The following UGT1A5 variants were observed in gnomAD, a reference collection of about 807,000 sequenced individuals.
UGT1A5 encodes the protein UDP-glucuronosyltransferase 1A5.
In UGT1A5, 29 loss-of-function variants were observed where a neutral mutation model predicts 40.3. The ratio of observed to expected loss-of-function variants is 0.72; its 90% CI spans 0.54 to 0.98. The LOEUF is 0.98. UGT1A5 is among the 50% of genes least tolerant of loss of function. The pLI is 0.00. For missense variants in UGT1A5, 678 were observed against 677.9 expected (o/e 1.00, Z 0.00); for synonymous variants, 257 against 262.5 (o/e 0.98, Z 0.20).
At chr2:233,749,234 A>T (rs1694147769) in intron 1 of UGT1A5, among the ~76,000 whole-genome samples, 1 of 151,936 alleles carries the variant, frequency 6.6e-6, no homozygotes, top group Admixed American at 6.5e-5. Flanking sequence ...CATTTTTTAA[A>T]ATCAAACCAC....
intron 1 of UGT1A5, among the ~76,000 whole-genome samples, chr2:233,745,707 T>C (rs1693180198): frequency 6.9e-6 from 1 of 145,768 alleles, no homozygotes; most frequent in African/African-American, 2.6e-5. Flanking sequence ...CAACAAGTGA[T>C]CCAGAATGGC....
At chr2:233,754,933 C>CAAAGG (rs1267849400) in intron 1 of UGT1A5, 2 of 1,344,048 alleles carry the variant, frequency 1.5e-6, no homozygotes, top group African/African-American at 3.0e-5. Flanking sequence ...CCCAAGAGGT[C>CAAAGG]AAAGGAGAAT....
intron 1 of UGT1A5, among the ~76,000 whole-genome samples, chr2:233,766,238 C>T (rs1302165333): frequency 6.6e-6 from 1 of 151,910 alleles, no homozygotes; most frequent in Non-Finnish European, 1.5e-5. Flanking sequence ...GAAGGGTTTC[C>T]CCTGGAGTCA....
chr2:233,718,916 G>C, intron 1 of UGT1A5: 1 of 1,614,098 alleles, frequency 6.2e-7, no homozygotes. Context: ...GAAAGGTGTT[G>C]GTGGTGCCCA....
chr2:233,772,619 A>G lies in UGT1A5; in HGVS notation c.*60A>G. ...ATTCCCTAGTCATTTCCAAACTTGAAAACAGAATCAGTGTTAAATTCATTT... is the reference window on the plus strand; with the variant it reads ...ATTCCCTAGTCATTTCCAAACTTGAGAACAGAATCAGTGTTAAATTCATTT... On this transcript the variant is annotated 3_prime_UTR_variant, in exon 5 of 5. Coordinates refer to ENST00000373414, the MANE Select transcript of UGT1A5 (RefSeq NM_019078.2). The G allele has an allele frequency of 1.3e-6, 2 of 1,569,672 alleles. No homozygotes were observed. The highest frequency in any genetic ancestry group is 1.7e-6 in the Non-Finnish European group (2 of 1,156,572).
At chr2:233,755,082 T>C (rs971081603) in intron 1 of UGT1A5, 16 of 1,336,710 alleles carry the variant, frequency 1.2e-5, no homozygotes, top group Middle Eastern at 2.1e-4. Context: ...GTCATAGATA[T>C]CGCGTTTCTA....
chr2:233,747,281 A>G, intron 1 of UGT1A5: 1 of 1,599,850 alleles, frequency 6.3e-7, no homozygotes, highest in Non-Finnish European at 8.5e-7. Context: ...CTCAGTGCCC[A>G]GCCCTGGGCT....
In UGT1A5 at chr2:233,772,415, C is replaced by T. The variant is rs142077822; in HGVS notation, c.1461C>T (p.Tyr487=). The T allele has an allele frequency of 1.4e-5, 22 of 1,614,112 alleles. No homozygotes were observed. The highest frequency in any genetic ancestry group is 1.9e-5 in the Non-Finnish European group (22 of 1,180,056). Residue 487 remains tyrosine (Y), a synonymous_variant, in exon 5 of 5, where the codon TAC becomes TAT. Transcript: ENST00000373414. ...PAAHDLTWYQ[Y]HSLDVIGFLL... ...CCCACGACCTCACCTGGTACCAGTA[C>T]CATTCCTTGGACGTGATTGGTTTCC...
At chr2:233,751,247 A>G (rs1694675595) in intron 1 of UGT1A5, among the ~76,000 whole-genome samples, 1 of 151,954 alleles carries the variant, frequency 6.6e-6, no homozygotes, top group South Asian at 2.1e-4. Flanking sequence ...TTGGACTTGC[A>G]TGGGGCCTGT....
chr2:233,757,047 T>C (rs1479467900), intron 1 of UGT1A5, among the ~76,000 whole-genome samples: 1 of 151,210 alleles, frequency 6.6e-6, no homozygotes, highest in Non-Finnish European at 1.5e-5. Context: ...CAAAGGAAGT[T>C]TGGGGAACAG....
chr2:233,761,889 C>G (rs2125994271), intron 1 of UGT1A5, among the ~76,000 whole-genome samples: 1 of 152,322 alleles, frequency 6.6e-6, no homozygotes, highest in Middle Eastern at 3.4e-3. Context: ...TTCACTTATC[C>G]TGCAAAGATT....
intron 1 of UGT1A5, chr2:233,760,312 C>A (rs370790922): frequency 6.2e-7 from 1 of 1,613,816 alleles, no homozygotes; most frequent in Non-Finnish European, 8.5e-7. Flanking sequence ...CCAGGGCGGA[C>A]GCCCACTTGT....
chr2:233,765,183 T>A (rs1157736453), intron 1 of UGT1A5, among the ~76,000 whole-genome samples: 1 of 152,162 alleles, frequency 6.6e-6, no homozygotes. Flanking sequence ...CCCTGCCACA[T>A]CACACAATCA....
In UGT1A5 at chr2:233,713,213, T is replaced by C. The variant is rs2076292888; in HGVS notation, c.222T>C (p.Phe74=). The C allele has an allele frequency of 6.2e-7, 1 of 1,614,164 alleles. No homozygotes were observed. Among genetic ancestry groups the C allele is most frequent in the Non-Finnish European group, 8.5e-7 (1 of 1,180,020 alleles). ...EVNMYIKEEN[F]FTLTTYAISW... The stretch of plus-strand genomic sequence containing the variant: ...ATATGTACATCAAAGAAGAGAACTT[T>C]TTCACCCTGACAACGTATGCCATTT... The change falls in exon 1 of 5, where the codon TTT becomes TTC. Residue 74 remains phenylalanine, a synonymous_variant. Coordinates refer to ENST00000373414, the MANE Select transcript of UGT1A5 (RefSeq NM_019078.2).
At chr2:233,721,918 T>C in intron 1 of UGT1A5, 1 of 410,238 alleles carries the variant, frequency 2.4e-6, no homozygotes, top group Non-Finnish European at 4.9e-6. Flanking sequence ...ACTGCTTCCA[T>C]AAAGTGACAT....
rs368860136 is a variant in UGT1A5, at chr2:233,772,310, G to A, written c.1356G>A (p.Pro452=). The A allele has an allele frequency of 6.6e-5, 107 of 1,614,092 alleles. No individual in the cohort carries two copies. The highest frequency in any genetic ancestry group is 2.5e-4 in the African/African-American group (19 of 74,926). ...MRLSSLHKDR[P]VEPLDLAVFW... ...TCTCCAGCCTTCACAAGGACCGCCCGGTGGAGCCGCTGGACCTGGCCGTGT... is the reference window on the plus strand; with the variant it reads ...TCTCCAGCCTTCACAAGGACCGCCCAGTGGAGCCGCTGGACCTGGCCGTGT... Residue 452 remains proline, a synonymous_variant, in exon 5 of 5, where the codon CCG becomes CCA. Transcript: ENST00000373414.
intron 1 of UGT1A5, among the ~76,000 whole-genome samples, chr2:233,722,554 T>C (rs1040385246): frequency 9.9e-5 from 15 of 152,232 alleles, no homozygotes; most frequent in Non-Finnish European, 2.1e-4. Context: ...TTCTTTTGGT[T>C]GATTTGTAGC....
At chr2:233,766,476 A>G (rs893882112) in intron 1 of UGT1A5, among the ~76,000 whole-genome samples, 2 of 152,172 alleles carry the variant, frequency 1.3e-5, no homozygotes, top group African/African-American at 2.4e-5. Flanking sequence ...TTATAGGCAC[A>G]TGATGGGGGC....
In UGT1A5 at chr2:233,745,292, C is replaced by T. The variant is rs13426130; in HGVS notation, c.868-21742C>T. On this transcript the variant is annotated intron_variant, in intron 1 of 4. Transcript: ENST00000373414. ...CCGTGTGTATAGCACTGGGGATAAA[C>T]GTGGGATGCAGTGATTATTTCCACT... 9.4e-3 allele frequency among the ~76,000 whole-genome samples: 1,433 copies of T among 151,880 alleles called. 51 individuals carry two copies. The highest frequency in any genetic ancestry group is 0.033 in the African/African-American group (1,366 of 41,200).
Sources: allele counts gnomAD v4.1 joint callset (sites outside exome capture counted in the v4.1 genomes callset), GRCh38; gene constraint gnomAD v4.1.1; transcripts MANE v1.5; gene names NCBI Gene and HGNC (gene_info 2026-07-23, HGNC 2026-07-21).